Variants in USP10 observed in about 807,000 individuals in gnomAD.
USP10 encodes ubiquitin specific peptidase 10, also known as ubiquitin carboxyl-terminal hydrolase 10.
USP10 carries 22 observed loss-of-function variants against 84.5 expected under a neutral mutation model. That is an observed-to-expected ratio of 0.26 (90% CI 0.19 to 0.37). The LOEUF is 0.37. Among genes scored for constraint, USP10 ranks in the 10% least tolerant of loss-of-function variants. The pLI is 1.00. For synonymous variants in USP10, 454 were observed against 387.6 expected, an observed-to-expected ratio of 1.17 and a Z score of -2.01; for missense variants, 1,019 against 998.9, an observed-to-expected ratio of 1.02 and a Z score of -0.27.
chr16:84,773,719 C>T (rs1164684880), intron 12 of USP10, among the ~76,000 whole-genome samples: 5 of 152,160 alleles, frequency 3.3e-5, no homozygotes, highest in Non-Finnish European at 7.3e-5. Context: ...AAGAAAGATG[C>T]CAGTGAGAAT....
intron 1 of USP10, among the ~76,000 whole-genome samples, chr16:84,706,844 CTATA>C (rs142196139): frequency 1.3e-5 from 2 of 151,900 alleles, no homozygotes; most frequent in Admixed American, 1.3e-4. Context: ...CGGGCCAAGA[CTATA>C]TATATATTTA....
chr16:84,712,950 C>T (rs756426270), intron 1 of USP10, among the ~76,000 whole-genome samples: 1 of 152,200 alleles, frequency 6.6e-6, no homozygotes, highest in East Asian at 1.9e-4. Context: ...GCTCCGTGTA[C>T]TAAAGCTCTT....
chr16:84,740,786 C>T (rs892802278), intron 3 of USP10, among the ~76,000 whole-genome samples: 16 of 152,260 alleles, frequency 1.1e-4, no homozygotes, highest in African/African-American at 3.9e-4. Context: ...GTTGTTCTTG[C>T]AGTTCACATT....
chr16:84,760,110 C>T, intron 7 of USP10, 62 bp from the exon 8 acceptor site: 26 of 1,547,160 alleles, frequency 1.7e-5, no homozygotes, highest in Non-Finnish European at 2.3e-5. Context: ...GATGATGTTG[C>T]TTTTTTCATC....
At chr16:84,702,248 G>A (rs1481669224) in intron 1 of USP10, among the ~76,000 whole-genome samples, 1 of 151,620 alleles carries the variant, frequency 6.6e-6, no homozygotes, top group Non-Finnish European at 1.5e-5. Flanking sequence ...ATTAAAGACG[G>A]GTTTCACCAT....
intron 5 of USP10, 117 bp from the exon 6 acceptor site, chr16:84,759,246 T>A: frequency 1.1e-6 from 1 of 884,030 alleles, no homozygotes; most frequent in Non-Finnish European, 1.8e-6. Flanking sequence ...CATATCTAAG[T>A]AGTTCAACGT....
intron 1 of USP10, 106 bp downstream of exon 1, chr16:84,700,217 T>A: frequency 1.1e-6 from 1 of 909,232 alleles, no homozygotes; most frequent in South Asian, 4.6e-5. Flanking sequence ...CGTGTGGGAG[T>A]GGGGGAGGGC....
intron 3 of USP10, among the ~76,000 whole-genome samples, chr16:84,740,598 A>T (rs977581926): frequency 1.3e-5 from 2 of 152,246 alleles, no homozygotes; most frequent in Non-Finnish European, 2.9e-5. Flanking sequence ...AGTTTAGGAA[A>T]TGGTTGTTGA....
intron 12 of USP10, among the ~76,000 whole-genome samples, chr16:84,773,559 C>T (rs760292819): frequency 1.2e-4 from 19 of 152,340 alleles, no homozygotes; most frequent in African/African-American, 4.3e-4. Flanking sequence ...GACACTGTCT[C>T]TCCCAGGCCT....
At chr16:84,751,973 C>T (rs1367489596) in intron 4 of USP10, among the ~76,000 whole-genome samples, 2 of 152,026 alleles carry the variant, frequency 1.3e-5, no homozygotes, top group East Asian at 3.9e-4. Context: ...TAAACAATTT[C>T]AGTGGGCTGA....
chr16:84,723,700 A>G (rs1908102011), intron 1 of USP10, among the ~76,000 whole-genome samples: 1 of 152,222 alleles, frequency 6.6e-6, no homozygotes, highest in Non-Finnish European at 1.5e-5. Flanking sequence ...ATCTAACTCG[A>G]TTCTTGTACT....
chr16:84,745,922 A>G lies in USP10; in HGVS notation c.1192+249A>G, dbSNP rs185547740. Among the ~76,000 whole-genome samples the G allele has an allele frequency of 1.0e-3, 155 of 152,358 alleles. 1 individual carries two copies. The highest frequency in any genetic ancestry group is 1.9e-3 in the Non-Finnish European group (128 of 68,024). The stretch of plus-strand genomic sequence containing the variant: ...TGTTAGCAGTTCTTTTCTGTTGACA[A>G]GTTACATTTCCATTTCTTGCCTTTT... On this transcript the variant is annotated intron_variant, in intron 4 of 13. Transcript: ENST00000219473.
intron 1 of USP10, among the ~76,000 whole-genome samples, chr16:84,724,896 G>T (rs1908257918): frequency 6.6e-6 from 1 of 152,196 alleles, no homozygotes; most frequent in Non-Finnish European, 1.5e-5. Flanking sequence ...ACCTTCTGAA[G>T]TTGAAAGCAC....
intron 1 of USP10, among the ~76,000 whole-genome samples, chr16:84,725,057 T>TGAATAATGC (rs2150784419): frequency 6.6e-6 from 1 of 152,332 alleles, no homozygotes; most frequent in Non-Finnish European, 1.5e-5. Context: ...GCTGTGGAGT[T>TGAATAATGC]TGTGTATTTG....
At chr16:84,715,912 C>A (rs956560257) in intron 1 of USP10, among the ~76,000 whole-genome samples, 1 of 152,200 alleles carries the variant, frequency 6.6e-6, no homozygotes, top group Admixed American at 6.5e-5. Flanking sequence ...TCAGGCTTCA[C>A]ATTTGGGCAC....
At chr16:84,737,884 C>T (rs1490885308) in intron 2 of USP10, among the ~76,000 whole-genome samples, 3 of 152,226 alleles carry the variant, frequency 2.0e-5, no homozygotes, top group Admixed American at 1.3e-4. Flanking sequence ...TCCAGCCTCT[C>T]CACCCTCAGT....
intron 1 of USP10, among the ~76,000 whole-genome samples, chr16:84,718,472 C>T (rs78693258): frequency 6.6e-6 from 1 of 152,088 alleles, no homozygotes; most frequent in Admixed American, 6.5e-5. Context: ...TATAGTTTTT[C>T]TTCTGGCCGG....
At chr16:84,741,854 C>T (rs1303039005) in intron 3 of USP10, among the ~76,000 whole-genome samples, 2 of 152,210 alleles carry the variant, frequency 1.3e-5, no homozygotes, top group Non-Finnish European at 2.9e-5. Flanking sequence ...TCTTTCCAGC[C>T]TGCTCAGCTG....
chr16:84,777,550 C>T (rs567255911), intron 13 of USP10, among the ~76,000 whole-genome samples: 4 of 152,248 alleles, frequency 2.6e-5, no homozygotes, highest in Admixed American at 6.5e-5. Flanking sequence ...GTCCCTGGCT[C>T]TCCGAAGTAC....
Sources: allele counts gnomAD v4.1 joint callset (sites outside exome capture counted in the v4.1 genomes callset), GRCh38; gene constraint gnomAD v4.1.1; transcripts MANE v1.5; gene names NCBI Gene and HGNC (gene_info 2026-07-23, HGNC 2026-07-21).